Variants in FRMD4A observed in about 807,000 individuals in gnomAD.
FRMD4A encodes the protein FERM domain-containing protein 4A.
A neutral mutation model predicts 129.1 loss-of-function variants in FRMD4A; 29 were observed. The ratio of observed to expected loss-of-function variants is 0.22; its 90% confidence interval spans 0.17 to 0.31. The LOEUF (loss-of-function observed/expected upper bound fraction) is 0.31. Ranked by LOEUF, FRMD4A falls within the 10% of genes least tolerant of loss-of-function variation. The pLI is 1.00. For missense variants in FRMD4A, 1,272 were observed against 1,375.8 expected, an observed-to-expected ratio of 0.92 and a Z score of 1.19; for synonymous variants, 634 against 571.6, an observed-to-expected ratio of 1.11 and a Z score of -1.56.
chr10:14,000,646 C>CA (rs11377448), intron 2 of FRMD4A, among the ~76,000 whole-genome samples: 10,463 of 43,520 alleles, frequency 0.24, 2,427 homozygotes, highest in African/African-American at 0.55. Flanking sequence ...GACGCCACCT[C>CA]AAAAAAAAAA....
Position 13,985,203 on chromosome 10 carries a change from G to A in FRMD4A, c.46-126291C>T, listed in dbSNP as rs115124446. On this transcript the variant is annotated intron_variant, in intron 2 of 24. Coordinates refer to ENST00000357447, the MANE Select transcript of FRMD4A (RefSeq NM_018027.5). ...GAGTGGGAGCTTAGCTCTGAAGTCCGGCTCACGTGTTTGGCCCCTAGGCCC... is the reference window on the plus strand; with the variant it reads ...GAGTGGGAGCTTAGCTCTGAAGTCCAGCTCACGTGTTTGGCCCCTAGGCCC... Among the ~76,000 whole-genome samples the A allele has an allele frequency of 9.8e-3, 1,497 of 152,332 alleles. 19 individuals carry two copies. The highest frequency in any genetic ancestry group is 0.024 in the Middle Eastern group (7 of 294).
At chr10:13,738,429 G>C (rs2090779323) in intron 11 of FRMD4A, among the ~76,000 whole-genome samples, 1 of 152,152 alleles carries the variant, frequency 6.6e-6, no homozygotes, top group Admixed American at 6.5e-5. Flanking sequence ...TCACAGCAAA[G>C]AGTTGGCCCA....
chr10:14,242,942 T>C (rs1042161260), intron 2 of FRMD4A, among the ~76,000 whole-genome samples: 2 of 152,236 alleles, frequency 1.3e-5, no homozygotes, highest in African/African-American at 4.8e-5. Flanking sequence ...GACACCATGC[T>C]CATGGAAGCA....
intron 2 of FRMD4A, among the ~76,000 whole-genome samples, chr10:14,223,864 C>T (rs1280927455): frequency 6.6e-6 from 1 of 152,128 alleles, no homozygotes; most frequent in Non-Finnish European, 1.5e-5. Context: ...TTGGACTCCC[C>T]TCTGCAACCC....
At chr10:13,722,916 T>C (rs2089566493) in intron 12 of FRMD4A, among the ~76,000 whole-genome samples, 1 of 152,128 alleles carries the variant, frequency 6.6e-6, no homozygotes, top group African/African-American at 2.4e-5. Context: ...CCATGCTGGT[T>C]AGCTAGGCTT....
At chr10:14,256,164 T>C (rs934535734) in intron 2 of FRMD4A, among the ~76,000 whole-genome samples, 3 of 152,012 alleles carry the variant, frequency 2.0e-5, no homozygotes, top group Admixed American at 6.5e-5. Flanking sequence ...TAAAATATAA[T>C]AGGAAAATAT....
intron 2 of FRMD4A, among the ~76,000 whole-genome samples, chr10:13,993,307 G>A (rs2095610123): frequency 6.6e-6 from 1 of 152,192 alleles, no homozygotes; most frequent in African/African-American, 2.4e-5. Flanking sequence ...GTTTCCATCA[G>A]AAAAGGAGCT....
chr10:14,224,932 G>A (rs554633084), intron 2 of FRMD4A, among the ~76,000 whole-genome samples: 1 of 152,102 alleles, frequency 6.6e-6, no homozygotes, highest in African/African-American at 2.4e-5. Flanking sequence ...ATCCAAGAGG[G>A]CTCAAAGAAA....
rs368043859 is a variant in FRMD4A at position 14,107,995 on chromosome 10, A to T, written c.45+222063T>A. Among the ~76,000 whole-genome samples, 352 of 152,298 alleles carry T rather than the reference A, an allele frequency of 2.3e-3. 1 individual carries two copies. Among genetic ancestry groups the T allele is most frequent in the African/African-American group, 7.9e-3 (330 of 41,570 alleles). ...CAGAAGTGGACCAAAGAGTAAATGC[A>T]TATGTGATTTTGCTATACATGTTGT... is the stretch of plus-strand genomic sequence containing the variant. On this transcript the variant is annotated intron_variant, in intron 2 of 24. Coordinates refer to ENST00000357447, the MANE Select transcript of FRMD4A (RefSeq NM_018027.5).
chr10:14,156,269 A>T (rs1467362541), intron 2 of FRMD4A, among the ~76,000 whole-genome samples: 1 of 152,176 alleles, frequency 6.6e-6, no homozygotes, highest in Non-Finnish European at 1.5e-5. Flanking sequence ...CACACCCATG[A>T]TGAATGAATT....
chr10:13,992,591 A>G (rs769969725), intron 2 of FRMD4A, among the ~76,000 whole-genome samples: 13 of 152,256 alleles, frequency 8.5e-5, no homozygotes, highest in Non-Finnish European at 1.8e-4. Context: ...AACTTTGTAA[A>G]ATAATTTCAG....
At position 13,644,832 on chromosome 10, in the gene FRMD4A, C is replaced by T. The variant is rs543855235; in HGVS notation, c.*2206G>A. 1.3e-5 allele frequency: 2 copies of T among 152,252 alleles called. No individual in the cohort carries two copies. The highest frequency in any genetic ancestry group is 4.1e-4 in the South Asian group (2 of 4,824). The allele number at this position is 152,252 out of a possible 1,614,324, so 9.4% of individuals were successfully genotyped here. The stretch of plus-strand genomic sequence containing the variant: ...AAATCACTGTTCTTTGTAGCTCTAA[C>T]CATGAAAGTAAAAGCAACAAAAATA... On this transcript the variant is annotated 3_prime_UTR_variant, in exon 25 of 25. Coordinates refer to ENST00000357447, the MANE Select transcript of FRMD4A (RefSeq NM_018027.5).
At chr10:14,124,171 G>T (rs1023825150) in intron 2 of FRMD4A, among the ~76,000 whole-genome samples, 1 of 152,094 alleles carries the variant, frequency 6.6e-6, no homozygotes, top group African/African-American at 2.4e-5. Flanking sequence ...ACAGCAGTGT[G>T]GTCCAACCAG....
intron 4 of FRMD4A, among the ~76,000 whole-genome samples, chr10:13,804,219 T>TCCA (rs1222124177): frequency 6.6e-6 from 1 of 152,222 alleles, no homozygotes; most frequent in African/African-American, 2.4e-5. Context: ...TCTCTCACTG[T>TCCA]CCAGCAGATA....
intron 12 of FRMD4A, among the ~76,000 whole-genome samples, chr10:13,732,453 C>A (rs897629119): frequency 6.6e-6 from 1 of 152,202 alleles, no homozygotes; most frequent in African/African-American, 2.4e-5. Flanking sequence ...GTGGACGCCT[C>A]TGGGCTCTGA....
chr10:14,185,817 C>G (rs1842121800), intron 2 of FRMD4A, among the ~76,000 whole-genome samples: 1 of 152,052 alleles, frequency 6.6e-6, no homozygotes, highest in Admixed American at 6.5e-5. Context: ...ATAGGGTAGA[C>G]AGGGCAGGGC....
intron 2 of FRMD4A, among the ~76,000 whole-genome samples, chr10:14,081,279 A>T (rs910042226): frequency 1.3e-5 from 2 of 152,218 alleles, no homozygotes; most frequent in African/African-American, 4.8e-5. Flanking sequence ...ACCACAAGAC[A>T]GGTGTCAGCT....
At chr10:13,685,309 T>A (rs2084967596) in intron 15 of FRMD4A, 1 of 985,212 alleles carries the variant, frequency 1.0e-6, no homozygotes, top group African/African-American at 1.7e-5. Flanking sequence ...CTGGCTAGAT[T>A]CCATGGCTCA....
At chr10:13,794,993 T>C (rs1475544265) in intron 5 of FRMD4A, among the ~76,000 whole-genome samples, 1 of 152,110 alleles carries the variant, frequency 6.6e-6, no homozygotes, top group Non-Finnish European at 1.5e-5. Context: ...TGCCCCAAGC[T>C]CTCCTGCAAG....
Sources: gnomAD v4.1 joint callset for allele counts (sites outside exome capture counted in the v4.1 genomes callset) on GRCh38, gnomAD v4.1.1 for gene constraint, MANE v1.5 for transcripts, NCBI Gene and HGNC (gene_info 2026-07-23, HGNC 2026-07-21) for gene names.